VWA3B: variants seen among roughly 807,000 people sequenced by gnomAD.
The protein encoded by VWA3B is von Willebrand factor A domain containing 3B.
Under a neutral mutation model 158.3 loss-of-function variants are expected in VWA3B, and 138 were observed. The observed-to-expected ratio is 0.87, with a 90% CI of 0.76 to 1.00. VWA3B has a LOEUF of 1.00. VWA3B is among the 50% of genes least tolerant of loss of function. VWA3B has a pLI of 0.00. For missense variants in VWA3B, 1,555 were observed against 1,565.1 expected, an observed-to-expected ratio of 0.99 and a Z score of 0.11; for synonymous variants, 596 against 587.3, an observed-to-expected ratio of 1.01 and a Z score of -0.21.
chr2:98,097,681 A>G (rs1682807264), intron 2 of VWA3B, among the ~76,000 whole-genome samples: 1 of 152,188 alleles, frequency 6.6e-6, no homozygotes, highest in Non-Finnish European at 1.5e-5. Flanking sequence ...AAATCTCCAT[A>G]CTGTTTTCCA....
chr2:98,279,166 C>G (rs1222391896), intron 22 of VWA3B, among the ~76,000 whole-genome samples: 1 of 152,110 alleles, frequency 6.6e-6, no homozygotes, highest in African/African-American at 2.4e-5. Context: ...AGGAGAGAAT[C>G]CTGCTCAGAA....
At chr2:98,319,395 G>C in the VWA3B span, among the ~76,000 whole-genome samples, 1 of 152,134 alleles carries the variant, frequency 6.6e-6, no homozygotes, top group African/African-American at 2.4e-5. Flanking sequence ...GAAAGTATTT[G>C]CACTAAATAG....
In VWA3B at chr2:98,298,007, C is replaced by A. The variant is rs752586602; in HGVS notation, c.3258C>A (p.Gly1086=). The change falls in exon 24 of 28, where the codon GGC becomes GGA. Residue 1086 remains glycine, a synonymous_variant. Transcript: ENST00000477737. ...CCTCCTTCATCACGCCTGTGGGGGG[C>A]GCCATGCCCTGCCCGCTGCTCCAGG... The part of the protein sequence containing the change: ...VSTSFITPVG[G]AMPCPLLQVG... 6.4e-7 allele frequency: 1 copy of A among 1,574,688 alleles called. No individual in the cohort carries two copies. The highest frequency in any genetic ancestry group is 2.4e-5 in the East Asian group (1 of 41,556).
chr2:98,166,501 G>C (rs1320036779), intron 8 of VWA3B, among the ~76,000 whole-genome samples: 3 of 152,308 alleles, frequency 2.0e-5, no homozygotes, highest in African/African-American at 7.2e-5. Flanking sequence ...GCAGCACAGA[G>C]AGAAGGTGGC....
At chr2:98,324,155 C>T in the VWA3B span, among the ~76,000 whole-genome samples, 1 of 151,124 alleles carries the variant, frequency 6.6e-6, no homozygotes, top group Non-Finnish European at 1.5e-5. Context: ...AAACTTGGCC[C>T]ACGTCTCTGA....
intron 22 of VWA3B, among the ~76,000 whole-genome samples, chr2:98,282,554 C>T (rs1002945515): frequency 3.3e-5 from 5 of 150,076 alleles, no homozygotes; most frequent in African/African-American, 7.4e-5. Flanking sequence ...TCTTGTGCCT[C>T]GCCTCCTGAG....
chr2:98,327,196 G>A, the VWA3B span, among the ~76,000 whole-genome samples: 1 of 151,708 alleles, frequency 6.6e-6, no homozygotes. Flanking sequence ...GGGAGGCTGA[G>A]GTGAGAGGAT....
rs1291662166 is a variant in VWA3B at position 98,093,255 on chromosome 2, AT to A, written c.167del (p.Leu56CysfsTer43). ...GAGCAACAAATTGACCTTGAAACAG[AT>A]TTTGTCACAGATCGGATTCCCACAT... The part of the protein sequence containing the change: ...LKSNKLTLKQ[I>X]LSQIGFPHCE... On this transcript the variant is annotated frameshift_variant, in exon 2 of 28. Transcript: ENST00000477737. LOFTEE classifies it high-confidence loss of function. The A allele has an allele frequency of 6.2e-7, 1 of 1,613,950 alleles. No homozygotes were observed. The highest frequency in any genetic ancestry group is 8.5e-7 in the Non-Finnish European group (1 of 1,179,988).
At chr2:98,191,601 T>C (rs1438825598) in intron 10 of VWA3B, among the ~76,000 whole-genome samples, 1 of 152,242 alleles carries the variant, frequency 6.6e-6, no homozygotes, top group Non-Finnish European at 1.5e-5. Flanking sequence ...TCAAGAACGC[T>C]ACTTGTTGCC....
At position 98,250,184 on chromosome 2, in the gene VWA3B, C is replaced by T. The variant is rs192310574; in HGVS notation, c.2674-134C>T. On this transcript the variant is annotated intron_variant, in intron 19 of 27. Transcript: ENST00000477737. ...TTTTCTCTGTGATTTACTGTGTTTT[C>T]TAATGTTCTACATTTATTGTATATT... The T allele has an allele frequency of 1.2e-3, 731 of 604,318 alleles. 2 individuals carry two copies. The highest frequency in any genetic ancestry group is 8.9e-3 in the Middle Eastern group (34 of 3,828). The allele number at this position is 604,318 out of a possible 1,614,324, so 37.4% of individuals were successfully genotyped here.
chr2:98,127,080 G>A (rs1195870963), intron 5 of VWA3B, among the ~76,000 whole-genome samples: 1 of 151,814 alleles, frequency 6.6e-6, no homozygotes, highest in African/African-American at 2.4e-5. Context: ...GCAAGGAGAG[G>A]GTCATGAATC....
intron 7 of VWA3B, among the ~76,000 whole-genome samples, chr2:98,140,324 G>A (rs1454482503): frequency 6.6e-6 from 1 of 152,222 alleles, no homozygotes; most frequent in Non-Finnish European, 1.5e-5. Flanking sequence ...CCTCAGATGA[G>A]TTCCCCTCCC....
intron 8 of VWA3B, among the ~76,000 whole-genome samples, chr2:98,177,323 T>C (rs1680095490): frequency 6.6e-6 from 1 of 152,224 alleles, no homozygotes; most frequent in South Asian, 2.1e-4. Flanking sequence ...CAATCTGTCC[T>C]GTGGAATAGG....
chr2:98,325,435 T>C, the VWA3B span, among the ~76,000 whole-genome samples: 1 of 152,152 alleles, frequency 6.6e-6, no homozygotes, highest in East Asian at 1.9e-4. Context: ...CAAGTGAAAA[T>C]AACCTCAAAA....
chr2:98,137,673 T>G (rs1029564584), intron 7 of VWA3B, among the ~76,000 whole-genome samples: 4 of 152,206 alleles, frequency 2.6e-5, no homozygotes, highest in African/African-American at 9.6e-5. Context: ...TATTAATACA[T>G]TAAGTTTATT....
intron 22 of VWA3B, among the ~76,000 whole-genome samples, chr2:98,275,969 G>T (rs1416160318): frequency 2.0e-5 from 3 of 152,198 alleles, no homozygotes; most frequent in African/African-American, 7.2e-5. Flanking sequence ...GCAGGAGAAG[G>T]CATTTAGTTT....
At chr2:98,251,112 T>C (rs1004472899) in intron 20 of VWA3B, among the ~76,000 whole-genome samples, 2 of 151,912 alleles carry the variant, frequency 1.3e-5, no homozygotes, top group African/African-American at 2.4e-5. Context: ...AAATTGCTCA[T>C]AAGGAATATA....
chr2:98,324,677 A>T, the VWA3B span, among the ~76,000 whole-genome samples: 1 of 152,244 alleles, frequency 6.6e-6, no homozygotes, highest in African/African-American at 2.4e-5. Flanking sequence ...AGTATGGGTT[A>T]AAATTCTAAG....
At chr2:98,246,581 C>T (rs1447110239) in intron 19 of VWA3B, among the ~76,000 whole-genome samples, 1 of 151,948 alleles carries the variant, frequency 6.6e-6, no homozygotes, top group African/African-American at 2.4e-5. Context: ...AGGGTTTCAC[C>T]ATGTTGGCCA....
Sources: allele counts gnomAD v4.1 joint callset (sites outside exome capture counted in the v4.1 genomes callset), GRCh38; gene constraint gnomAD v4.1.1; transcripts MANE v1.5; gene names NCBI Gene and HGNC (gene_info 2026-07-23, HGNC 2026-07-21).